Variants in KLRG2 observed in about 807,000 individuals in gnomAD.
KLRG2 encodes killer cell lectin-like receptor subfamily G member 2.
KLRG2 carries 39 observed loss-of-function variants against 35.4 expected under a neutral mutation model. That is an observed-to-expected ratio of 1.10 (90% CI 0.85 to 1.44). KLRG2 has a LOEUF of 1.44. Ranked by LOEUF, KLRG2 falls within the 40% of genes most tolerant of loss-of-function variation. The probability of loss-of-function intolerance (pLI) is 0.00; values close to 1 mark genes in which losing one functional copy is unlikely to be tolerated. For synonymous variants in KLRG2, 283 were observed against 265.8 expected (o/e 1.06, Z -0.63); for missense variants, 632 against 570.9 (o/e 1.11, Z -1.09).
chr7:139,449,602 T>A (rs2116413374), downstream of KLRG2, among the ~76,000 whole-genome samples: 1 of 152,118 alleles, frequency 6.6e-6, no homozygotes, highest in Admixed American at 6.6e-5. Flanking sequence ...ATAAATTTTT[T>A]AACTTTTTGA....
chr7:139,447,042 G>GC, the KLRG2 span, among the ~76,000 whole-genome samples: 59,965 of 152,034 alleles, frequency 0.39, 16,593 homozygotes, highest in African/African-American at 0.79. Context: ...TAGACTCTGA[G>GC]ACTTCCTTGC....
Position 139,483,008 on chromosome 7 carries a change from G to A in KLRG2, c.635C>T (p.Ser212Phe), listed in dbSNP as rs911616604. The change falls in exon 1 of 5, where the codon TCC becomes TTC. Residue 212 changes from serine (S) to phenylalanine (F), a missense_variant. Physicochemically the swap from Ser to Phe is radical, Grantham distance 155. Transcript: ENST00000340940. ...RASPAEGSAG[S>F]PGSPTCCRCK... ...GCGGCAGCACGTGGGGGAGCCCGGG[G>A]AGCCGGCGCTTCCTTCCGCGGGGCT... is the stretch of plus-strand genomic sequence containing the variant. 7 of 1,374,770 alleles carry A rather than the reference G, an allele frequency of 5.1e-6. No individual in the cohort carries two copies. The African/African-American group carries it at 9.1e-5, about 18-fold the overall frequency. The allele number at this position is 1,374,770 out of a possible 1,614,324, so 85.2% of individuals were successfully genotyped here. A position where few individuals can be genotyped will look rare whatever the true frequency, so the allele number is the denominator to read the frequency against.
chr7:139,482,194 C>G (rs1796972404), intron 1 of KLRG2, among the ~76,000 whole-genome samples: 1 of 152,202 alleles, frequency 6.6e-6, no homozygotes, highest in African/African-American at 2.4e-5. Flanking sequence ...GGAAAGAAAG[C>G]AGCAGCCTGG....
At chr7:139,434,562 G>A in the KLRG2 span, among the ~76,000 whole-genome samples, 3 of 152,226 alleles carry the variant, frequency 2.0e-5, no homozygotes, top group Non-Finnish European at 4.4e-5. Flanking sequence ...CTACTCAAGA[G>A]TTTCCAAATC....
At chr7:139,464,477 C>T (rs924080789) in intron 3 of KLRG2, among the ~76,000 whole-genome samples, 4 of 152,114 alleles carry the variant, frequency 2.6e-5, no homozygotes, top group Non-Finnish European at 5.9e-5. Flanking sequence ...AACCCATATA[C>T]TCTCCTATCC....
chr7:139,483,376 G>T lies in KLRG2; in HGVS notation c.267C>A (p.Val89=). ...GGCCCGGTGACGGCGGCTCGGGGCA[G>T]ACCCCGTAGCCCAGGCTGAGCGGCG... ...RVPPLSLGYG[V]CPEPPSPGPA... The change falls in exon 1 of 5, where the codon GTC becomes GTA. Residue 89 remains valine (V), a synonymous_variant. Coordinates refer to ENST00000340940, the MANE Select transcript of KLRG2 (RefSeq NM_198508.4). 6.5e-7 allele frequency: 1 copy of T among 1,541,394 alleles called. No individual in the cohort carries two copies. The highest frequency in any genetic ancestry group is 2.5e-5 in the East Asian group (1 of 40,098).
intron 3 of KLRG2, among the ~76,000 whole-genome samples, chr7:139,464,348 T>A (rs529427136): frequency 6.6e-6 from 1 of 152,228 alleles, no homozygotes; most frequent in Non-Finnish European, 1.5e-5. Flanking sequence ...TTAAAACCTA[T>A]AAACTCTCCT....
At chr7:139,480,048 G>C in intron 2 of KLRG2, 98 bp downstream of exon 2, 1 of 892,128 alleles carries the variant, frequency 1.1e-6, no homozygotes, top group Middle Eastern at 2.2e-4. Flanking sequence ...GCATCTCCCA[G>C]TGTCTCTTTC....
chr7:139,448,053 C>A (rs754066393), downstream of KLRG2, among the ~76,000 whole-genome samples: 1 of 152,016 alleles, frequency 6.6e-6, no homozygotes, highest in Non-Finnish European at 1.5e-5. Flanking sequence ...GGAGTGCAGG[C>A]GTACAATCAT....
At chr7:139,475,000 G>A (rs1472722279) in intron 3 of KLRG2, among the ~76,000 whole-genome samples, 1 of 152,186 alleles carries the variant, frequency 6.6e-6, no homozygotes, top group Non-Finnish European at 1.5e-5. Flanking sequence ...GCCCATCTCT[G>A]AAGGAAGGAA....
intron 3 of KLRG2, among the ~76,000 whole-genome samples, chr7:139,477,071 G>A (rs548071944): frequency 5.3e-5 from 8 of 152,250 alleles, no homozygotes; most frequent in East Asian, 3.9e-4. Flanking sequence ...CCAGAACAGC[G>A]AATATAAATT....
chr7:139,455,023 A>ATT (rs35053312), intron 3 of KLRG2, among the ~76,000 whole-genome samples: 29,132 of 145,336 alleles, frequency 0.2, 4,993 homozygotes, highest in African/African-American at 0.47. Context: ...TATATTTAAG[A>ATT]TTTTTTTTTT....
intron 3 of KLRG2, among the ~76,000 whole-genome samples, chr7:139,470,951 T>C (rs1478136691): frequency 1.3e-5 from 2 of 151,560 alleles, no homozygotes; most frequent in African/African-American, 4.8e-5. Context: ...AAAGCGATTC[T>C]CCTGCCTCAG....
At chr7:139,432,363 A>G in the KLRG2 span, among the ~76,000 whole-genome samples, 1 of 151,940 alleles carries the variant, frequency 6.6e-6, no homozygotes, top group Non-Finnish European at 1.5e-5. Flanking sequence ...TGAAAAAAGA[A>G]AAAGAAAAAA....
chr7:139,443,921 C>A, the KLRG2 span, among the ~76,000 whole-genome samples: 1 of 152,140 alleles, frequency 6.6e-6, no homozygotes, highest in African/African-American at 2.4e-5. Flanking sequence ...CAGTCCAAGT[C>A]CCAAAACCTC....
chr7:139,462,341 C>T (rs72611550), intron 3 of KLRG2, among the ~76,000 whole-genome samples: 21,554 of 151,754 alleles, frequency 0.14, 1,850 homozygotes, highest in East Asian at 0.43. Context: ...CCCTTCTCTC[C>T]GTGTCTCTAC....
At chr7:139,479,400 A>G (rs1172554546) in intron 3 of KLRG2, among the ~76,000 whole-genome samples, 1 of 152,212 alleles carries the variant, frequency 6.6e-6, no homozygotes, top group Non-Finnish European at 1.5e-5. Flanking sequence ...TTTTTTTTAA[A>G]GCTGGGCATG....
At chr7:139,448,759 A>G (rs1796336976), downstream of KLRG2, 1 of 152,114 alleles carries the variant, frequency 6.6e-6, no homozygotes, top group African/African-American at 2.4e-5. Flanking sequence ...TCAGCAGCAC[A>G]TATACTAAAA....
At chr7:139,466,438 G>T (rs1796654887) in intron 3 of KLRG2, among the ~76,000 whole-genome samples, 1 of 152,092 alleles carries the variant, frequency 6.6e-6, no homozygotes, top group Non-Finnish European at 1.5e-5. Context: ...TTATTTAGTG[G>T]CTCCTGGTTT....
Sources: gnomAD v4.1 joint callset for allele counts (sites outside exome capture counted in the v4.1 genomes callset) on GRCh38, gnomAD v4.1.1 for gene constraint, MANE v1.5 for transcripts, NCBI Gene and HGNC (gene_info 2026-07-23, HGNC 2026-07-21) for gene names.